The following CYP2J2 variants were observed in gnomAD, a reference collection of about 807,000 sequenced individuals.
CYP2J2 encodes cytochrome P450 family 2 subfamily J member 2, also known as cytochrome P450 2J2.
CYP2J2 carries 41 observed loss-of-function variants against 48.8 expected under a neutral mutation model. The observed-to-expected ratio is 0.84, with a 90% confidence interval of 0.66 to 1.09. The LOEUF (loss-of-function observed/expected upper bound fraction) is 1.09. Ranked by LOEUF, CYP2J2 falls within the 50% of genes least tolerant of loss-of-function variation. The pLI is 0.00. For synonymous variants in CYP2J2, 221 were observed against 227.1 expected (o/e 0.97, Z 0.24); for missense variants, 644 against 617.3 (o/e 1.04, Z -0.46).
At chr1:59,942,596 A>AT in the CYP2J2 span, among the ~76,000 whole-genome samples, 30 of 149,988 alleles carry the variant, frequency 2.0e-4, 1 homozygote, top group East Asian at 5.9e-4. Flanking sequence ...ACATGATCTG[A>AT]TTTTTTTTTT....
the CYP2J2 span, among the ~76,000 whole-genome samples, chr1:59,953,867 T>C: frequency 1.3e-5 from 2 of 152,182 alleles, no homozygotes; most frequent in South Asian, 2.1e-4. Flanking sequence ...TTTTAGGCCA[T>C]AGTAAGGAGT....
chr1:59,896,328 G>GTATATATA (rs59615950), intron 8 of CYP2J2, among the ~76,000 whole-genome samples: 30 of 146,896 alleles, frequency 2.0e-4, no homozygotes, highest in African/African-American at 7.2e-4. Context: ...TACACACCAA[G>GTATATATA]TATATATATA....
intron 6 of CYP2J2, among the ~76,000 whole-genome samples, chr1:59,905,560 C>T (rs1644358004): frequency 6.6e-6 from 1 of 152,180 alleles, no homozygotes; most frequent in African/African-American, 2.4e-5. Context: ...GATCTACAGA[C>T]TCTAATTTCT....
the CYP2J2 span, among the ~76,000 whole-genome samples, chr1:59,967,974 T>A: frequency 6.6e-6 from 1 of 152,240 alleles, no homozygotes; most frequent in South Asian, 2.1e-4. Flanking sequence ...TTCCAGTAAG[T>A]CCCCAGCTTT....
chr1:59,910,256 A>C (rs1236506424), intron 4 of CYP2J2, among the ~76,000 whole-genome samples: 1 of 152,208 alleles, frequency 6.6e-6, no homozygotes, highest in African/African-American at 2.4e-5. Flanking sequence ...GGCATTAAAT[A>C]ACTATTGTTC....
At chr1:59,900,906 G>T in intron 8 of CYP2J2, 59 bp downstream of exon 8, 1 of 1,571,444 alleles carries the variant, frequency 6.4e-7, no homozygotes, top group East Asian at 2.3e-5. Context: ...ACAGGAGAGA[G>T]CAGGGGAGGG....
chr1:59,961,778 A>C, the CYP2J2 span, among the ~76,000 whole-genome samples: 1 of 152,146 alleles, frequency 6.6e-6, no homozygotes, highest in Non-Finnish European at 1.5e-5. Context: ...TATTATAATT[A>C]TATAATAAAA....
chr1:59,955,279 CATAT>C, the CYP2J2 span, among the ~76,000 whole-genome samples: 81 of 103,966 alleles, frequency 7.8e-4, no homozygotes, highest in African/African-American at 2.3e-3. Context: ...TATATATATC[CATAT>C]ATATATATCC....
chr1:59,955,067 G>A, the CYP2J2 span, among the ~76,000 whole-genome samples: 2 of 151,704 alleles, frequency 1.3e-5, no homozygotes, highest in Admixed American at 6.6e-5. Flanking sequence ...GAGCCTGGGA[G>A]GCGGATGTTG....
intron 1 of CYP2J2, among the ~76,000 whole-genome samples, chr1:59,919,642 T>A (rs1644496699): frequency 6.6e-6 from 1 of 152,374 alleles, no homozygotes; most frequent in South Asian, 2.1e-4. Context: ...CTTTACTTTT[T>A]TGAGTTATAG....
At chr1:59,959,890 T>G in the CYP2J2 span, among the ~76,000 whole-genome samples, 2 of 152,162 alleles carry the variant, frequency 1.3e-5, no homozygotes, top group East Asian at 3.9e-4. Context: ...CTTTGGGGAC[T>G]CCGGGGGAAG....
At chr1:59,935,025 T>TACACAC in the CYP2J2 span, among the ~76,000 whole-genome samples, 258 of 85,834 alleles carry the variant, frequency 3.0e-3, 4 homozygotes, top group Non-Finnish European at 5.2e-3. Flanking sequence ...CATATATATA[T>TACACAC]ATATATATAT....
At chr1:59,968,815 G>C in the CYP2J2 span, among the ~76,000 whole-genome samples, 1 of 152,200 alleles carries the variant, frequency 6.6e-6, no homozygotes, top group Non-Finnish European at 1.5e-5. Flanking sequence ...GTCTCGAATT[G>C]GTGGGTTCTT....
chr1:59,914,208 T>G (rs577938093), intron 2 of CYP2J2, among the ~76,000 whole-genome samples: 3 of 152,370 alleles, frequency 2.0e-5, no homozygotes, highest in African/African-American at 7.2e-5. Flanking sequence ...GAATATAAAC[T>G]ACATAGGATA....
intron 7 of CYP2J2, among the ~76,000 whole-genome samples, chr1:59,902,573 G>A (rs971122130): frequency 4.0e-5 from 6 of 151,872 alleles, no homozygotes; most frequent in Non-Finnish European, 8.8e-5. Flanking sequence ...CCACCACCAC[G>A]CCTGGCTAGT....
chr1:59,934,320 T>G, the CYP2J2 span, among the ~76,000 whole-genome samples: 6 of 152,038 alleles, frequency 3.9e-5, no homozygotes, highest in Non-Finnish European at 7.4e-5. Context: ...ATAACAGTGG[T>G]CTTAGCAATG....
At chr1:59,936,754 C>G in the CYP2J2 span, among the ~76,000 whole-genome samples, 1 of 152,168 alleles carries the variant, frequency 6.6e-6, no homozygotes, top group Admixed American at 6.5e-5. Context: ...GGCTCACTGT[C>G]CCACGACATG....
At chr1:59,934,998 A>ATG in the CYP2J2 span, among the ~76,000 whole-genome samples, 2 of 44,760 alleles carry the variant, frequency 4.5e-5, no homozygotes, top group South Asian at 5.6e-4. Context: ...GGATATATAT[A>ATG]TATATATATA....
At chr1:59,910,223 T>C (rs1010012084) in intron 4 of CYP2J2, among the ~76,000 whole-genome samples, 9 of 152,342 alleles carry the variant, frequency 5.9e-5, no homozygotes, top group African/African-American at 2.2e-4. Context: ...TGGGGACATC[T>C]GAGCACTGGT....
Sources: gnomAD v4.1 joint callset for allele counts (sites outside exome capture counted in the v4.1 genomes callset) on GRCh38, gnomAD v4.1.1 for gene constraint, MANE v1.5 for transcripts, NCBI Gene and HGNC (gene_info 2026-07-23, HGNC 2026-07-21) for gene names.